The following DCUN1D4 variants were observed in gnomAD, a reference collection of about 807,000 sequenced individuals.
The protein encoded by DCUN1D4 is defective in cullin neddylation 1 domain containing 4.
A neutral mutation model predicts 47.9 loss-of-function variants in DCUN1D4; 22 were observed. That is an observed-to-expected ratio of 0.46 (90% CI 0.33 to 0.66). DCUN1D4 has a LOEUF of 0.66. DCUN1D4 is among the 30% of genes least tolerant of loss of function. The pLI is 0.02. For missense variants in DCUN1D4, 301 were observed against 340.8 expected, an observed-to-expected ratio of 0.88 and a Z score of 0.92; for synonymous variants, 121 against 112.2, an observed-to-expected ratio of 1.08 and a Z score of -0.50.
At chr4:51,845,900 T>A (rs2109790216) in intron 1 of DCUN1D4, among the ~76,000 whole-genome samples, 1 of 152,298 alleles carries the variant, frequency 6.6e-6, no homozygotes, top group African/African-American at 2.4e-5. Flanking sequence ...TCTGTCATAT[T>A]TTACTTAATC....
chr4:51,904,383 C>A lies in DCUN1D4; in HGVS notation c.615+5005C>A, dbSNP rs549064063. ...GTTTCTTTTCAGACTCAGGTTGTTT[C>A]TTCACATGTGTATATGGCCAAAGAC... is the stretch of plus-strand genomic sequence containing the variant. On this transcript the variant is annotated intron_variant, in intron 8 of 10. Coordinates refer to ENST00000334635, the MANE Select transcript of DCUN1D4 (RefSeq NM_001040402.3). 1.4e-4 allele frequency among the ~76,000 whole-genome samples: 22 copies of A among 152,274 alleles called. No homozygotes were observed. The Middle Eastern group carries it at 0.01, about 71-fold the overall frequency.
At chr4:51,854,202 C>G (rs939074195) in intron 1 of DCUN1D4, among the ~76,000 whole-genome samples, 1 of 152,148 alleles carries the variant, frequency 6.6e-6, no homozygotes, top group Non-Finnish European at 1.5e-5. Flanking sequence ...TGTCATGTAG[C>G]TAGTGACTAT....
intron 3 of DCUN1D4, among the ~76,000 whole-genome samples, chr4:51,870,753 T>C (rs370480380): frequency 6.6e-6 from 1 of 152,190 alleles, no homozygotes; most frequent in Non-Finnish European, 1.5e-5. Flanking sequence ...CCTGCAACCA[T>C]TGGGGGAGCA....
intron 5 of DCUN1D4, among the ~76,000 whole-genome samples, chr4:51,879,538 C>T (rs1349241811): frequency 1.1e-4 from 16 of 152,280 alleles, no homozygotes; most frequent in African/African-American, 2.6e-4. Context: ...ACCTGGGAGG[C>T]GGAGGTTGCA....
chr4:51,871,665 G>C (rs928075310), intron 3 of DCUN1D4, among the ~76,000 whole-genome samples: 2 of 152,238 alleles, frequency 1.3e-5, no homozygotes, highest in African/African-American at 4.8e-5. Flanking sequence ...AGCCAGCCTT[G>C]AGGATCAGGA....
At chr4:51,876,574 A>C (rs1340431312) in intron 4 of DCUN1D4, among the ~76,000 whole-genome samples, 1 of 152,238 alleles carries the variant, frequency 6.6e-6, no homozygotes, top group Non-Finnish European at 1.5e-5. Context: ...ATAATACAAA[A>C]AAAAAAGGAT....
At chr4:51,876,736 C>T (rs1377407700) in intron 4 of DCUN1D4, among the ~76,000 whole-genome samples, 2 of 151,986 alleles carry the variant, frequency 1.3e-5, no homozygotes, top group African/African-American at 4.8e-5. Flanking sequence ...ATGGGTCTTC[C>T]AGGGCTGACT....
At chr4:51,903,430 T>G (rs1427098827) in intron 8 of DCUN1D4, among the ~76,000 whole-genome samples, 4 of 152,208 alleles carry the variant, frequency 2.6e-5, no homozygotes, top group Non-Finnish European at 5.9e-5. Context: ...TTATTCTCTT[T>G]CCATTGCTTT....
chr4:51,900,243 C>T (rs1391714918), intron 8 of DCUN1D4, among the ~76,000 whole-genome samples: 1 of 151,692 alleles, frequency 6.6e-6, no homozygotes, highest in Non-Finnish European at 1.5e-5. Flanking sequence ...AGTTCAGCAC[C>T]AAAGGTTTAT....
chr4:51,893,526 A>AGTGATTCTTGTGCCCCAGCTTCCC (rs1187802686), intron 7 of DCUN1D4, among the ~76,000 whole-genome samples: 1 of 151,914 alleles, frequency 6.6e-6, no homozygotes, highest in African/African-American at 2.4e-5. Context: ...CCCGGGTTCA[A>AGTGATTCTTGTGCCCCAGCTTCCC]GTGATTCTTG....
intron 8 of DCUN1D4, chr4:51,908,883 G>T (rs1385888096): frequency 2.2e-6 from 1 of 456,194 alleles, no homozygotes; most frequent in Non-Finnish European, 4.4e-6. Context: ...TATTCAGATT[G>T]TGAGTGCATC....
intron 3 of DCUN1D4, chr4:51,865,652 A>G (rs1725796387): frequency 6.6e-6 from 1 of 152,142 alleles, no homozygotes; most frequent in Admixed American, 6.5e-5. Flanking sequence ...TGGTGATATC[A>G]TACTGTACGT....
intron 3 of DCUN1D4, among the ~76,000 whole-genome samples, chr4:51,869,624 A>T (rs932638336): frequency 6.6e-6 from 1 of 152,216 alleles, no homozygotes; most frequent in Non-Finnish European, 1.5e-5. Flanking sequence ...AAGGAAGTGA[A>T]GCACATACTT....
At chr4:51,886,439 A>C in intron 5 of DCUN1D4, 129 bp from the exon 6 acceptor site, 1 of 676,990 alleles carries the variant, frequency 1.5e-6, no homozygotes, top group Non-Finnish European at 2.4e-6. Context: ...TTCAACTTAG[A>C]CTTGATTTTT....
chr4:51,888,705 C>G (rs1172871575), intron 6 of DCUN1D4, among the ~76,000 whole-genome samples: 1 of 139,168 alleles, frequency 7.2e-6, no homozygotes, highest in South Asian at 2.3e-4. Context: ...GCCTGGGCAA[C>G]AGAGCAGGAC....
chr4:51,834,072 C>T, the DCUN1D4 span, among the ~76,000 whole-genome samples: 42 of 116,568 alleles, frequency 3.6e-4, no homozygotes, highest in African/African-American at 4.9e-4. Flanking sequence ...CTCTCTCTCT[C>T]TCTCTCTCTC....
chr4:51,859,773 T>C (rs2109874075), intron 1 of DCUN1D4, among the ~76,000 whole-genome samples: 1 of 152,204 alleles, frequency 6.6e-6, no homozygotes. Flanking sequence ...GTAGAGCTGA[T>C]TGCTGGTTTT....
At chr4:51,880,899 C>T (rs962030190) in intron 5 of DCUN1D4, among the ~76,000 whole-genome samples, 5 of 152,176 alleles carry the variant, frequency 3.3e-5, no homozygotes, top group East Asian at 3.9e-4. Flanking sequence ...GAGGTCAAGG[C>T]GGGTGGATCA....
At chr4:51,905,364 C>T (rs1732722199) in intron 8 of DCUN1D4, 1 of 280,784 alleles carries the variant, frequency 3.6e-6, no homozygotes, top group African/African-American at 2.2e-5. Flanking sequence ...CTCCACAAAG[C>T]TCTCCTCCCG....
Sources: allele counts gnomAD v4.1 joint callset (sites outside exome capture counted in the v4.1 genomes callset), GRCh38; gene constraint gnomAD v4.1.1; transcripts MANE v1.5; gene names NCBI Gene and HGNC (gene_info 2026-07-23, HGNC 2026-07-21).